The following CNTFR variants were observed in gnomAD, a reference collection of about 807,000 sequenced individuals.
The protein encoded by CNTFR is ciliary neurotrophic factor receptor, also known as ciliary neurotrophic factor receptor subunit alpha.
Under a neutral mutation model 40.4 loss-of-function variants are expected in CNTFR, and 12 were observed. The observed-to-expected ratio is 0.30, with a 90% CI of 0.19 to 0.48. CNTFR has a LOEUF of 0.48. Among genes scored for constraint, CNTFR ranks in the 20% least tolerant of loss-of-function variants. The pLI, the probability that CNTFR is intolerant of heterozygous loss-of-function variation, is 0.99. For missense variants in CNTFR, 414 were observed against 506.8 expected (o/e 0.82, Z 1.76); for synonymous variants, 202 against 209.6 (o/e 0.96, Z 0.31).
chr9:34,556,396 A>C lies in CNTFR; in HGVS notation c.627T>G (p.Asn209Lys). 6.2e-7 allele frequency: 1 copy of C among 1,611,764 alleles called. No homozygotes were observed. The highest frequency in any genetic ancestry group is 8.5e-7 in the Non-Finnish European group (1 of 1,178,608). ...FTIVKPDPPE[N>K]VVARPVPSNP... ...TGCTGGGCACTGGCCGGGCTACCACATTTTCTGGAGGATCAGGCTTCACTG... is the reference window on the plus strand; with the variant it reads ...TGCTGGGCACTGGCCGGGCTACCACCTTTTCTGGAGGATCAGGCTTCACTG... The change falls in exon 7 of 10, where the codon AAT (asparagine) becomes AAG (lysine). Residue 209 changes from asparagine to lysine, a missense_variant. By Grantham distance (94) the Asn-to-Lys change is moderately conservative. Around this residue, in one of 3 missense-constraint regions of CNTFR, gnomAD observed 83 missense variants for 145.0 expected, o/e 0.57. Coordinates refer to ENST00000378980, the MANE Select transcript of CNTFR (RefSeq NM_147164.3).
chr9:34,556,188 T>A, intron 7 of CNTFR, 67 bp downstream of exon 7: 3 of 1,514,456 alleles, frequency 2.0e-6, no homozygotes, highest in Non-Finnish European at 2.7e-6. Context: ...ACGTGGGATA[T>A]GGGTGCCACT....
chr9:34,566,776 G>T (rs1826316736), intron 3 of CNTFR, among the ~76,000 whole-genome samples: 1 of 152,096 alleles, frequency 6.6e-6, no homozygotes, highest in Non-Finnish European at 1.5e-5. Context: ...AGCAGGTACG[G>T]CCACCACACG....
intron 7 of CNTFR, among the ~76,000 whole-genome samples, 179 bp from the exon 8 acceptor site, chr9:34,553,033 C>T (rs1462133458): frequency 2.0e-5 from 3 of 152,136 alleles, no homozygotes; most frequent in Non-Finnish European, 4.4e-5. Context: ...CTGGGGACAT[C>T]TTAGGGAGGA....
At chr9:34,576,614 C>T (rs1826977814) in intron 2 of CNTFR, among the ~76,000 whole-genome samples, 1 of 152,242 alleles carries the variant, frequency 6.6e-6, no homozygotes, top group East Asian at 1.9e-4. Context: ...GATTATTCCC[C>T]AGGCAGCTCC....
Position 34,552,053 on chromosome 9 carries a change from C to G in CNTFR, c.*18G>C. 1.4e-6 allele frequency: 2 copies of G among 1,402,298 alleles called. No individual in the cohort carries two copies. The highest frequency in any genetic ancestry group is 2.0e-6 in the Non-Finnish European group (2 of 995,032). 86.9% of individuals were successfully genotyped at this position (1,402,298 alleles called of 1,614,324 possible). A position where few individuals can be genotyped will look rare whatever the true frequency, so the allele number is the denominator to read the frequency against. On this transcript the variant is annotated 3_prime_UTR_variant, in exon 10 of 10. Coordinates refer to ENST00000378980, the MANE Select transcript of CNTFR (RefSeq NM_147164.3). The surrounding 1 kb of genome is among the most constrained non-coding windows in gnomAD (Gnocchi z 5.1). ...GCTCCTCTGCAGGTGCTCTGCATGT[C>G]CTCATGGGGTGCCGGGCTCTGTAGA...
At chr9:34,583,129 A>G (rs1257082669) in intron 1 of CNTFR, among the ~76,000 whole-genome samples, 1 of 151,836 alleles carries the variant, frequency 6.6e-6, no homozygotes, top group Non-Finnish European at 1.5e-5. Flanking sequence ...CCCCCCATAA[A>G]CCCTATGGTC....
At chr9:34,564,962 GTGTT>G (rs1826222916) in intron 3 of CNTFR, 130 bp from the exon 4 acceptor site, 2 of 725,312 alleles carry the variant, frequency 2.8e-6, no homozygotes, top group Non-Finnish European at 4.7e-6. Flanking sequence ...GTCTGTGTGA[GTGTT>G]TGGGGAGATG....
At chr9:34,576,517 G>A (rs1196325392) in intron 2 of CNTFR, among the ~76,000 whole-genome samples, 1 of 152,244 alleles carries the variant, frequency 6.6e-6, no homozygotes, top group African/African-American at 2.4e-5. Context: ...TGCCTGAGGG[G>A]AGGGACAGAA....
At position 34,552,043 on chromosome 9, in the gene CNTFR, C is replaced by T. The variant is rs1358971114; in HGVS notation, c.*28G>A. ...CCGGCCTCCTGCTCCTCTGCAGGTGCTCTGCATGTCCTCATGGGGTGCCGG... is the reference window on the plus strand; with the variant it reads ...CCGGCCTCCTGCTCCTCTGCAGGTGTTCTGCATGTCCTCATGGGGTGCCGG... On this transcript the variant is annotated 3_prime_UTR_variant, in exon 10 of 10. Transcript: ENST00000378980. This position sits in a 1 kb window ranked among gnomAD's most constrained non-coding sequence, Gnocchi z 5.1. The T allele has an allele frequency of 1.5e-6, 2 of 1,295,098 alleles. No individual in the cohort carries two copies. The highest frequency in any genetic ancestry group is 2.5e-5 in the South Asian group (2 of 81,592). The allele number at this position is 1,295,098 out of a possible 1,614,324, so 80.2% of individuals were successfully genotyped here.
chr9:34,587,336 TC>T (rs1827587875), intron 1 of CNTFR, among the ~76,000 whole-genome samples: 1 of 151,938 alleles, frequency 6.6e-6, no homozygotes. Flanking sequence ...TGAGTGTGAG[TC>T]CCAAAGTACC....
rs1825673764 is a variant in CNTFR at position 34,552,481 on chromosome 9, C to T, written c.950-152G>A. On this transcript the variant is annotated intron_variant, in intron 8 of 9. Coordinates refer to ENST00000378980, the MANE Select transcript of CNTFR (RefSeq NM_147164.3). This position sits in a 1 kb window ranked among gnomAD's most constrained non-coding sequence, Gnocchi z 5.1. ...TGTTTCCCAAGGCTCACAGATAACCCCTCCACCCAATGACCCCTACCAAGG... is the reference window on the plus strand; with the variant it reads ...TGTTTCCCAAGGCTCACAGATAACCTCTCCACCCAATGACCCCTACCAAGG... 1 of 1,064,174 alleles carries T rather than the reference C, an allele frequency of 9.4e-7. No homozygotes were observed. The highest frequency in any genetic ancestry group is 1.3e-6 in the Non-Finnish European group (1 of 754,240). 65.9% of individuals were successfully genotyped at this position (1,064,174 alleles called of 1,614,324 possible). A position where few individuals can be genotyped will look rare whatever the true frequency, so the allele number is the denominator to read the frequency against.
In CNTFR at chr9:34,589,387, C is replaced by T. The variant is rs986483545; in HGVS notation, c.-112+168G>A. The stretch of plus-strand genomic sequence containing the variant: ...CGTGGGGGGCCGCTCCTCCAGCGCC[C>T]CCGCCCCCGAGTTTGCAGGCAAAGT... On this transcript the variant is annotated intron_variant, in intron 1 of 9. Transcript: ENST00000378980. This position sits in a 1 kb window ranked among gnomAD's most constrained non-coding sequence, Gnocchi z 4.4. 4.6e-5 allele frequency among the ~76,000 whole-genome samples: 7 copies of T among 152,058 alleles called. No homozygotes were observed. The highest frequency in any genetic ancestry group is 8.8e-5 in the Non-Finnish European group (6 of 67,962).
At chr9:34,576,906 C>T (rs1402831700) in intron 2 of CNTFR, among the ~76,000 whole-genome samples, 2 of 152,224 alleles carry the variant, frequency 1.3e-5, no homozygotes, top group Non-Finnish European at 2.9e-5. Context: ...GTCTAGCGGG[C>T]ACCCAGATGT....
rs1229111728 is a variant in CNTFR, at chr9:34,564,929, T to C, written c.86-97A>G. 6 of 1,012,714 alleles carry C rather than the reference T, an allele frequency of 5.9e-6. No homozygotes were observed. In the Admixed American group the frequency reaches 1.2e-4, roughly 20 times the overall value. The allele number at this position is 1,012,714 out of a possible 1,614,324, so 62.7% of individuals were successfully genotyped here. A position where few individuals can be genotyped will look rare whatever the true frequency, so the allele number is the denominator to read the frequency against. On this transcript the variant is annotated intron_variant, in intron 3 of 9. Transcript: ENST00000378980. ...TCAGACAAGAGCCTGTGAGGATGGA[T>C]GAGTGAGGACGAGAGGCTCGGTGTC...
Position 34,557,380 on chromosome 9 carries a change from CAT to C in CNTFR, c.604+144_604+145del, listed in dbSNP as rs1049330885. ...TGTATATGTCATGCATATATGTGCA[CAT>C]ATATGTGCACTGTACATACCTGTGC... On this transcript the variant is annotated intron_variant, in intron 6 of 9. Coordinates refer to ENST00000378980, the MANE Select transcript of CNTFR (RefSeq NM_147164.3). This position sits in a 1 kb window ranked among gnomAD's most constrained non-coding sequence, Gnocchi z 4.2. The C allele has an allele frequency of 2.4e-6, 2 of 835,546 alleles. No individual in the cohort carries two copies. Among genetic ancestry groups the C allele is most frequent in the African/African-American group, 3.4e-5 (2 of 58,388 alleles). The allele number at this position is 835,546 out of a possible 1,614,324, so 51.8% of individuals were successfully genotyped here. A position where few individuals can be genotyped will look rare whatever the true frequency, so the allele number is the denominator to read the frequency against.
Position 34,558,201 on chromosome 9 carries a change from AC to A in CNTFR, c.320-218del, listed in dbSNP as rs200247355. 5.1e-3 allele frequency among the ~76,000 whole-genome samples: 776 copies of A among 151,838 alleles called. 7 individuals are homozygous for A. Among genetic ancestry groups the A allele is most frequent in the African/African-American group, 0.018 (740 of 41,400 alleles). On this transcript the variant is annotated intron_variant, in intron 4 of 9. Transcript: ENST00000378980. ...AAAACAAGGGCTGTGCGGACACGGA[AC>A]CCCCCCTCCACCTGCTCAATGGAGG...
intron 1 of CNTFR, among the ~76,000 whole-genome samples, chr9:34,583,766 G>A (rs905891324): frequency 6.6e-6 from 1 of 152,118 alleles, no homozygotes. Flanking sequence ...TGACGTCAGG[G>A]GCCTGGATGG....
intron 6 of CNTFR, 52 bp from the exon 7 acceptor site, chr9:34,556,470 CT>C (rs778534214): frequency 9.2e-6 from 14 of 1,520,716 alleles, no homozygotes; most frequent in African/African-American, 1.4e-5. Flanking sequence ...CAACAACCCA[CT>C]TTGTCAACTC....
intron 1 of CNTFR, among the ~76,000 whole-genome samples, chr9:34,586,500 C>G (rs936725481): frequency 7.9e-5 from 12 of 152,178 alleles, no homozygotes; most frequent in African/African-American, 2.9e-4. Flanking sequence ...CTTCACACCC[C>G]TCCCATCCTA....
Sources: allele counts gnomAD v4.1 joint callset (sites outside exome capture counted in the v4.1 genomes callset), GRCh38; gene constraint gnomAD v4.1.1; regional missense constraint gnomAD v4.1.1; non-coding constraint Gnocchi (gnomAD v3.1); transcripts MANE v1.5; gene names NCBI Gene and HGNC (gene_info 2026-07-23, HGNC 2026-07-21).